Variants in BDNF observed in about 807,000 individuals in gnomAD.
BDNF encodes the protein neurotrophic factor BDNF precursor form.
BDNF carries 1 observed loss-of-function variant against 19.5 expected under a neutral mutation model. That is an observed-to-expected ratio of 0.05 (90% confidence interval 0.02 to 0.24). The LOEUF is 0.24. BDNF is among the 10% of genes least tolerant of loss of function. The probability of loss-of-function intolerance (pLI) is 1.00; values close to 1 mark genes in which losing one functional copy is unlikely to be tolerated. For missense variants in BDNF, 195 were observed against 317.6 expected (o/e 0.61, Z 2.93); for synonymous variants, 100 against 121.6 (o/e 0.82, Z 1.17).
At chr11:27,682,701 T>G (rs1317631971) in intron 1 of BDNF, among the ~76,000 whole-genome samples, 1 of 152,150 alleles carries the variant, frequency 6.6e-6, no homozygotes, top group Non-Finnish European at 1.5e-5. Context: ...GAATGATGGT[T>G]TCCAGCTTCA....
intron 1 of BDNF, chr11:27,699,721 C>G (rs2065670807): frequency 7.3e-7 from 1 of 1,375,006 alleles, no homozygotes; most frequent in Non-Finnish European, 9.4e-7. Context: ...TCCCACTCCC[C>G]CCGCAAGTCG....
chr11:27,705,402 GTGTGA>G (rs1333868965), upstream of BDNF, among the ~76,000 whole-genome samples: 1 of 152,182 alleles, frequency 6.6e-6, no homozygotes, highest in African/African-American at 2.4e-5. Flanking sequence ...TATTTAGGCT[GTGTGA>G]TGTTTGGAGT....
chr11:27,704,580 A>G (rs1053980610), upstream of BDNF, among the ~76,000 whole-genome samples: 1 of 152,196 alleles, frequency 6.6e-6, no homozygotes, highest in African/African-American at 2.4e-5. Context: ...CTAGCATCAA[A>G]TAAGTTGGCC....
At chr11:27,712,804 C>T (rs141809511) in intron 1 of BDNF, among the ~76,000 whole-genome samples, 67 of 151,624 alleles carry the variant, frequency 4.4e-4, no homozygotes, top group Middle Eastern at 6.9e-3. Flanking sequence ...TGTGAGCCGT[C>T]GCGCCTGGCC....
intron 1 of BDNF, among the ~76,000 whole-genome samples, chr11:27,666,699 CAAG>C (rs759319782): frequency 9.2e-5 from 14 of 152,150 alleles, no homozygotes; most frequent in African/African-American, 1.9e-4. Flanking sequence ...TGAAATGAAG[CAAG>C]AAGAGAAGTT....
rs1263362422 is a variant in BDNF at position 27,673,991 on chromosome 11, C to T, written c.-21-15406G>A. On this transcript the variant is annotated intron_variant, in intron 1 of 1. Coordinates refer to ENST00000356660, the MANE Select transcript of BDNF (RefSeq NM_001709.5). The stretch of plus-strand genomic sequence containing the variant: ...CCAAAGAATAACACTCCTTTTCAAA[C>T]TATTATCAAGAAATCTTGGGGGAAA... 8 of 1,456,150 alleles carry T rather than the reference C, an allele frequency of 5.5e-6. No homozygotes were observed. The Admixed American group carries it at 9.9e-5, about 18-fold the overall frequency. 90.2% of individuals were successfully genotyped at this position (1,456,150 alleles called of 1,614,324 possible).
intron 1 of BDNF, chr11:27,721,296 G>A: frequency 8.3e-7 from 1 of 1,206,596 alleles, no homozygotes; most frequent in Non-Finnish European, 1.2e-6. Flanking sequence ...GATTCCCCTG[G>A]CCTGAGTAGC....
At chr11:27,697,160 C>CAGAGAGAGAGAGAG (rs1362364179) in intron 1 of BDNF, among the ~76,000 whole-genome samples, 44 of 117,838 alleles carry the variant, frequency 3.7e-4, no homozygotes, top group South Asian at 1.8e-3. Context: ...CACACACACA[C>CAGAGAGAGAGAGAG]ACACAGAGAG....
At chr11:27,713,407 C>T (rs2134108110) in intron 1 of BDNF, among the ~76,000 whole-genome samples, 1 of 152,284 alleles carries the variant, frequency 6.6e-6, no homozygotes. Flanking sequence ...TCAATTTTTT[C>T]CCACATTCTC....
At chr11:27,698,269 GCATTTGCAAAAT>G (rs1859414783) in intron 1 of BDNF, 1 of 128,452 alleles carries the variant, frequency 7.8e-6, no homozygotes, top group African/African-American at 2.7e-5. Context: ...CTTAAGCAAG[GCATTTGCAAAAT>G]CAGAAAACAG....
intron 1 of BDNF, among the ~76,000 whole-genome samples, chr11:27,673,326 C>A (rs1855652396): frequency 6.6e-6 from 1 of 151,414 alleles, no homozygotes; most frequent in Non-Finnish European, 1.5e-5. Flanking sequence ...ATTCTCAGAT[C>A]CAAGGATAAA....
intron 1 of BDNF, chr11:27,719,435 C>A: frequency 2.0e-6 from 2 of 985,692 alleles, no homozygotes; most frequent in Non-Finnish European, 2.4e-6. Flanking sequence ...CGCTCTCTGG[C>A]TCTTCGGTCC....
At chr11:27,674,821 A>G (rs1374758092) in intron 1 of BDNF, 5 of 941,200 alleles carry the variant, frequency 5.3e-6, no homozygotes, top group African/African-American at 3.6e-5. Context: ...CATAGTTGCT[A>G]TAATAAATAC....
In BDNF at chr11:27,713,570, C is replaced by A. The variant is rs146203197; in HGVS notation, c.3+7842G>T. 1.4e-3 allele frequency among the ~76,000 whole-genome samples: 206 copies of A among 152,202 alleles called. 1 individual carries two copies. Among genetic ancestry groups the A allele is most frequent in the African/African-American group, 4.6e-3 (189 of 41,514 alleles). ...AGGTGGTTGATATATTTCCTTGAAG[C>A]GGGAGGAATCAATTCTAACTCCTTT... On this transcript the variant is annotated intron_variant, in intron 1 of 1. Transcript: ENST00000314915.
At chr11:27,720,822 C>T in intron 1 of BDNF, 1 of 980,618 alleles carries the variant, frequency 1.0e-6, no homozygotes, top group South Asian at 4.7e-5. Flanking sequence ...TTGTCACGTG[C>T]GGATGGCTTT....
rs1197419218 is a variant in BDNF, at chr11:27,721,691, C to T, written c.-277G>A. 15 of 549,706 alleles carry T rather than the reference C, an allele frequency of 2.7e-5. No individual in the cohort carries two copies. The East Asian group carries it at 4.3e-4, about 16-fold the overall frequency. The allele number at this position is 549,706 out of a possible 1,614,324, so 34.1% of individuals were successfully genotyped here. A position where few individuals can be genotyped will look rare whatever the true frequency, so the allele number is the denominator to read the frequency against. On this transcript the variant is annotated 5_prime_UTR_variant, in exon 1 of 2. Coordinates refer to the BDNF transcript ENST00000314915. ...GCAAACGCCCTCACTCCGAGAGACA[C>T]GTTTCCTTTTGAGTTCTTACGTGAT...
rs745797571 is a variant in BDNF at position 27,658,376 on chromosome 11, G to A, written c.189C>T (p.Phe63=). The change falls in exon 2 of 2, where the codon TTC becomes TTT. Residue 63 remains phenylalanine, a synonymous_variant. Transcript: ENST00000356660. The surrounding 1 kb of genome is among the most constrained non-coding windows in gnomAD (Gnocchi z 5.7). ...SRGLTSLADT[F]EHVIEELLDE... ...CCAACAGCTCTTCTATCACGTGTTC[G>A]AAAGTGTCAGCCAATGATGTCAAGC... The A allele has an allele frequency of 6.8e-6, 11 of 1,614,144 alleles. No homozygotes were observed. The highest frequency in any genetic ancestry group is 3.3e-5 in the South Asian group (3 of 91,084).
At chr11:27,669,661 T>C (rs1011867289) in intron 1 of BDNF, among the ~76,000 whole-genome samples, 3 of 152,006 alleles carry the variant, frequency 2.0e-5, no homozygotes, top group African/African-American at 7.2e-5. Context: ...TTCACAATTG[T>C]TTCAAAGAGA....
At chr11:27,667,139 A>G (rs1418370837) in intron 1 of BDNF, among the ~76,000 whole-genome samples, 1 of 152,208 alleles carries the variant, frequency 6.6e-6, no homozygotes, top group Non-Finnish European at 1.5e-5. Flanking sequence ...AAGAATTTTC[A>G]ACCCAGAATT....
Sources: gnomAD v4.1 joint callset for allele counts (sites outside exome capture counted in the v4.1 genomes callset) on GRCh38, gnomAD v4.1.1 for gene constraint, Gnocchi (gnomAD v3.1) non-coding constraint, MANE v1.5 for transcripts, NCBI Gene and HGNC (gene_info 2026-07-23, HGNC 2026-07-21) for gene names.